The following NARS2 variants were observed in gnomAD, a reference collection of about 807,000 sequenced individuals.
The protein encoded by NARS2 is asparaginyl-tRNA synthetase 2, mitochondrial.
Under a neutral mutation model 62.9 loss-of-function variants are expected in NARS2, and 60 were observed. The observed-to-expected ratio is 0.95, with a 90% CI of 0.77 to 1.18. The LOEUF is 1.18. Among genes scored for constraint, NARS2 ranks in the 50% most tolerant of loss-of-function variants. The pLI, the probability that NARS2 is intolerant of heterozygous loss-of-function variation, is 0.00. For synonymous variants in NARS2, 196 were observed against 200.0 expected, an observed-to-expected ratio of 0.98 and a Z score of 0.17; for missense variants, 619 against 576.4, an observed-to-expected ratio of 1.07 and a Z score of -0.76.
intron 9 of NARS2, among the ~76,000 whole-genome samples, chr11:78,475,580 CTTTTTTTTTTTTTTTT>C (rs377023107): frequency 2.6e-4 from 24 of 93,980 alleles, no homozygotes; most frequent in Non-Finnish European, 2.7e-4. Flanking sequence ...TATCATTTGA[CTTTTTTTTTTTTTTTT>C]TTTTTTTTTT....
chr11:78,455,266 T>C (rs1228106778), intron 11 of NARS2, among the ~76,000 whole-genome samples: 1 of 152,194 alleles, frequency 6.6e-6, no homozygotes, highest in African/African-American at 2.4e-5. Flanking sequence ...CAATAATTCC[T>C]TACTCCATTA....
At chr11:78,556,897 G>A (rs967594500) in intron 5 of NARS2, among the ~76,000 whole-genome samples, 4 of 152,206 alleles carry the variant, frequency 2.6e-5, no homozygotes, top group Non-Finnish European at 5.9e-5. Context: ...CATCAACAGT[G>A]AATGAAAAGC....
At chr11:78,532,508 A>G (rs1238321984) in intron 5 of NARS2, among the ~76,000 whole-genome samples, 9 of 152,216 alleles carry the variant, frequency 5.9e-5, no homozygotes, top group African/African-American at 1.9e-4. Context: ...ATGTGAAAAT[A>G]ATTTAAATGA....
At chr11:78,515,051 A>G (rs550685791) in intron 6 of NARS2, among the ~76,000 whole-genome samples, 1 of 152,350 alleles carries the variant, frequency 6.6e-6, no homozygotes, top group Non-Finnish European at 1.5e-5. Flanking sequence ...GACAGAAAAC[A>G]GATGGCTGAG....
intron 5 of NARS2, among the ~76,000 whole-genome samples, chr11:78,549,546 C>G (rs111388880): frequency 4.7e-4 from 72 of 152,202 alleles, no homozygotes; most frequent in African/African-American, 1.4e-3. Context: ...TCCTAGTATG[C>G]TGGAAAGAAA....
chr11:78,515,696 A>C (rs1860882722), intron 6 of NARS2, among the ~76,000 whole-genome samples: 1 of 151,776 alleles, frequency 6.6e-6, no homozygotes. Context: ...TAAAAAAAAA[A>C]AAACAAAACA....
intron 4 of NARS2, 134 bp downstream of exon 4, chr11:78,565,998 C>A: frequency 1.5e-6 from 1 of 660,528 alleles, no homozygotes; most frequent in Non-Finnish European, 2.4e-6. Context: ...GAAACCATAA[C>A]CCATAATGAA....
At chr11:78,455,715 A>G (rs1198224697) in intron 11 of NARS2, among the ~76,000 whole-genome samples, 1 of 152,088 alleles carries the variant, frequency 6.6e-6, no homozygotes, top group African/African-American at 2.4e-5. Flanking sequence ...TCACTCCCAG[A>G]AAGATCAGGA....
chr11:78,557,820 A>T (rs1041851927), intron 5 of NARS2, among the ~76,000 whole-genome samples: 15 of 146,692 alleles, frequency 1.0e-4, no homozygotes, highest in African/African-American at 1.8e-4. Flanking sequence ...ATCTTATATT[A>T]TATATATATA....
intron 11 of NARS2, among the ~76,000 whole-genome samples, chr11:78,461,487 G>A (rs1257830883): frequency 1.3e-5 from 2 of 150,990 alleles, no homozygotes; most frequent in Non-Finnish European, 2.9e-5. Context: ...AAGTCTGCTG[G>A]ATTTAATAAC....
At chr11:78,446,374 A>T (rs1197142046) in intron 11 of NARS2, among the ~76,000 whole-genome samples, 1 of 152,216 alleles carries the variant, frequency 6.6e-6, no homozygotes, top group East Asian at 1.9e-4. Flanking sequence ...TACACAATTA[A>T]TATGGCTGGG....
At chr11:78,551,872 CAAAA>C (rs372292006) in intron 5 of NARS2, among the ~76,000 whole-genome samples, 1 of 151,234 alleles carries the variant, frequency 6.6e-6, no homozygotes, top group African/African-American at 2.4e-5. Flanking sequence ...AAAAAACAAA[CAAAA>C]AAAACCCACC....
intron 11 of NARS2, among the ~76,000 whole-genome samples, chr11:78,448,968 T>G (rs1211215194): frequency 6.6e-6 from 1 of 152,162 alleles, no homozygotes; most frequent in Non-Finnish European, 1.5e-5. Flanking sequence ...AGACTCATAT[T>G]TATTTTGATT....
intron 11 of NARS2, among the ~76,000 whole-genome samples, chr11:78,455,349 C>T (rs1591138536): frequency 6.6e-6 from 1 of 152,028 alleles, no homozygotes; most frequent in East Asian, 1.9e-4. Context: ...CACAACAAAC[C>T]TGTGATGATA....
chr11:78,511,187 C>T (rs76678160), intron 6 of NARS2, among the ~76,000 whole-genome samples: 1 of 152,160 alleles, frequency 6.6e-6, no homozygotes. Flanking sequence ...AAGTGATCCT[C>T]CTTCCTCAGC....
chr11:78,519,336 C>A (rs1220275705), intron 6 of NARS2, among the ~76,000 whole-genome samples: 2 of 152,038 alleles, frequency 1.3e-5, no homozygotes, highest in Non-Finnish European at 2.9e-5. Flanking sequence ...CAGCCCAAAG[C>A]CCAAGTTGAT....
intron 6 of NARS2, among the ~76,000 whole-genome samples, chr11:78,508,905 C>T (rs574678222): frequency 2.0e-5 from 3 of 151,762 alleles, no homozygotes; most frequent in South Asian, 2.1e-4. Flanking sequence ...ACTTGAGGCA[C>T]GGAGTTTGAG....
intron 6 of NARS2, among the ~76,000 whole-genome samples, chr11:78,495,718 T>C (rs1860029139): frequency 6.6e-6 from 1 of 152,126 alleles, no homozygotes; most frequent in African/African-American, 2.4e-5. Context: ...ACTGACGCCC[T>C]CAGTACCTAA....
intron 6 of NARS2, among the ~76,000 whole-genome samples, chr11:78,524,822 C>T (rs1195601274): frequency 1.3e-5 from 2 of 152,004 alleles, no homozygotes; most frequent in Non-Finnish European, 2.9e-5. Context: ...GGAGAAATAA[C>T]TAATTTTTAG....
Sources: allele counts gnomAD v4.1 joint callset (sites outside exome capture counted in the v4.1 genomes callset), GRCh38; gene constraint gnomAD v4.1.1; transcripts MANE v1.5; gene names NCBI Gene and HGNC (gene_info 2026-07-23, HGNC 2026-07-21).